The following COL18A1 variants were observed in gnomAD, a reference collection of about 807,000 sequenced individuals.
COL18A1 encodes the protein collagen alpha-1(XVIII) chain.
In COL18A1, 133 loss-of-function variants were observed where a neutral mutation model predicts 168.0. That is an observed-to-expected ratio of 0.79 (90% CI 0.69 to 0.91). The LOEUF (loss-of-function observed/expected upper bound fraction) is 0.91. COL18A1 is among the 40% of genes least tolerant of loss of function. The probability of loss-of-function intolerance (pLI) is 0.00; values close to 1 mark genes in which losing one functional copy is unlikely to be tolerated. For synonymous variants in COL18A1, 949 were observed against 809.0 expected, an observed-to-expected ratio of 1.17 and a Z score of -2.94; for missense variants, 2,126 against 1,925.4, an observed-to-expected ratio of 1.10 and a Z score of -1.95.
chr21:45,493,632 C>T (rs2036435531), intron 26 of COL18A1, 57 bp downstream of exon 26: 1 of 1,325,848 alleles, frequency 7.5e-7, no homozygotes, highest in Non-Finnish European at 1.1e-6. Flanking sequence ...GCTGTGGAGA[C>T]AGCCTGGGGA....
chr21:45,510,117 C>T lies in COL18A1; in HGVS notation c.3549C>T (p.Arg1183=), dbSNP rs370643343. 114 of 1,597,076 alleles carry T rather than the reference C, an allele frequency of 7.1e-5. No homozygotes were observed. Among genetic ancestry groups the T allele is most frequent in the Non-Finnish European group, 8.9e-5 (105 of 1,173,430 alleles). The change falls in exon 40 of 42, where the codon CGC becomes CGT. Residue 1183 remains arginine, a synonymous_variant. Transcript: ENST00000651438. ...TGTCAGGCGGCATGCGGGGCATCCG[C>T]GGGGCCGACTTCCAGTGCTTCCAGC... ...SPLSGGMRGI[R]GADFQCFQQA...
chr21:45,480,421 G>GA (rs2035852118), intron 11 of COL18A1, 46 bp from the exon 12 acceptor site: 1 of 1,613,848 alleles, frequency 6.2e-7, no homozygotes, highest in East Asian at 2.2e-5. Flanking sequence ...AGGCCAGGCG[G>GA]GGGGCCGAGC....
chr21:45,464,365 C>T lies in COL18A1; in HGVS notation c.107-3877C>T, dbSNP rs184611304. ...GACCCTCTTAGATAAGGCAGGCCCTCGGCAAGACTCCAGCCACACATGAGA... is the reference window on the plus strand; with the variant it reads ...GACCCTCTTAGATAAGGCAGGCCCTTGGCAAGACTCCAGCCACACATGAGA... On this transcript the variant is annotated intron_variant, in intron 2 of 41. Coordinates refer to ENST00000651438, the MANE Select transcript of COL18A1 (RefSeq NM_001379500.1). Among the ~76,000 whole-genome samples the T allele has an allele frequency of 5.2e-3, 785 of 152,268 alleles. 5 individuals are homozygous for T. Among genetic ancestry groups the T allele is most frequent in the Non-Finnish European group, 6.8e-3 (466 of 68,030 alleles).
chr21:45,436,062 G>A (rs1305384459), intron 2 of COL18A1, among the ~76,000 whole-genome samples: 7 of 152,190 alleles, frequency 4.6e-5, no homozygotes, highest in African/African-American at 7.2e-5. Context: ...TTCTGGGTGC[G>A]TTTATAAAGC....
chr21:45,498,539 G>C lies in COL18A1; in HGVS notation c.2683+878G>C, dbSNP rs2036627921. On this transcript the variant is annotated intron_variant, in intron 32 of 41. Coordinates refer to ENST00000651438, the MANE Select transcript of COL18A1 (RefSeq NM_001379500.1). This position sits in a 1 kb window ranked among gnomAD's most constrained non-coding sequence, Gnocchi z 4.5. ...AGAGGAGGCCGCCATACCTGCTCTT[G>C]CTGGGGCTGCACTCTGGGGTGGGAA... 1.4e-6 allele frequency: 1 copy of C among 716,740 alleles called. No individual in the cohort carries two copies. Among genetic ancestry groups the C allele is most frequent in the African/African-American group, 1.7e-5 (1 of 57,220 alleles). 44.4% of individuals were successfully genotyped at this position (716,740 alleles called of 1,614,324 possible).
At chr21:45,427,168 A>G (rs911670693) in intron 2 of COL18A1, among the ~76,000 whole-genome samples, 1 of 152,096 alleles carries the variant, frequency 6.6e-6, no homozygotes, top group African/African-American at 2.4e-5. Flanking sequence ...AATGGCAGCC[A>G]CGCTGGGGGC....
chr21:45,510,450 G>T (rs1203939285), intron 40 of COL18A1, among the ~76,000 whole-genome samples, 189 bp downstream of exon 40: 1 of 152,144 alleles, frequency 6.6e-6, no homozygotes, highest in African/African-American at 2.4e-5. Context: ...CCAGGCCTCT[G>T]CATCCCTGGG....
Position 45,463,908 on chromosome 21 carries a change from A to G in COL18A1, c.107-4334A>G, listed in dbSNP as rs535756316. 5.3e-5 allele frequency among the ~76,000 whole-genome samples: 8 copies of G among 151,862 alleles called. No individual in the cohort carries two copies. In the South Asian group the frequency reaches 1.7e-3, roughly 32 times the overall value. On this transcript the variant is annotated intron_variant, in intron 2 of 41. Transcript: ENST00000651438. This position sits in a 1 kb window ranked among gnomAD's most constrained non-coding sequence, Gnocchi z 4.0. ...GCGAAACTCCATCTAAAAAAAAAAA[A>G]GAAAAGGAAAGAAATCAAGTCTTGA...
At chr21:45,417,296 G>A (rs1156735866) in intron 2 of COL18A1, among the ~76,000 whole-genome samples, 1 of 152,162 alleles carries the variant, frequency 6.6e-6, no homozygotes, top group South Asian at 2.1e-4. Flanking sequence ...TAATGGATAC[G>A]AATGGCACCG....
rs1239427151 is a variant in COL18A1 at position 45,437,264 on chromosome 21, ACT to A, written c.107-30976_107-30975del. On this transcript the variant is annotated intron_variant, in intron 2 of 41. Coordinates refer to ENST00000651438, the MANE Select transcript of COL18A1 (RefSeq NM_001379500.1). ...CTCCTGTACACACACACACTCACAC[ACT>A]CAGACACACAGGCACTCTCCTGCAC... is the stretch of plus-strand genomic sequence containing the variant. 5.7e-4 allele frequency among the ~76,000 whole-genome samples: 59 copies of A among 102,712 alleles called. 2 individuals are homozygous for A. The highest frequency in any genetic ancestry group is 1.4e-3 in the East Asian group (4 of 2,882). The allele number at this position is 102,712 out of a possible 152,430, so 67.4% of individuals were successfully genotyped here.
intron 9 of COL18A1, among the ~76,000 whole-genome samples, chr21:45,479,441 CCA>C (rs1454780706): frequency 2.0e-5 from 3 of 152,160 alleles, no homozygotes; most frequent in East Asian, 3.9e-4. Context: ...TGCACACACA[CCA>C]CACATTACAC....
chr21:45,406,517 A>C (rs2033114649), intron 2 of COL18A1, among the ~76,000 whole-genome samples: 1 of 152,236 alleles, frequency 6.6e-6, no homozygotes, highest in Non-Finnish European at 1.5e-5. Context: ...AGTCGTAGAC[A>C]ATTCCTCATT....
Position 45,493,191 on chromosome 21 carries a change from G to A in COL18A1, c.2243G>A (p.Gly748Asp), listed in dbSNP as rs780522568. 1 of 1,562,998 alleles carries A rather than the reference G, an allele frequency of 6.4e-7. No homozygotes were observed. Among genetic ancestry groups the A allele is most frequent in the Non-Finnish European group, 8.7e-7 (1 of 1,153,524 alleles). ...CCTGCAGGACCCAAGGGCAACCTGG[G>A]CTCTAAGGGCGAACGAGGCTCCCCG... Reference protein sequence around the residue: ...PGPAGPKGNLGSKGERGSPGP... With the variant: ...PGPAGPKGNLDSKGERGSPGP... Residue 748 changes from glycine (G) to aspartate (D), a missense_variant, in exon 25 of 42, where the codon GGC (glycine) becomes GAC (aspartate). Gly to Asp is a moderately conservative substitution (Grantham distance 94, BLOSUM62 -1). Transcript: ENST00000651438.
intron 4 of COL18A1, 58 bp downstream of exon 4, chr21:45,474,039 C>T: frequency 7.3e-7 from 1 of 1,379,226 alleles, no homozygotes; most frequent in South Asian, 1.2e-5. Flanking sequence ...ACGCGGAGTT[C>T]AGGGCCAAGG....
In COL18A1 at chr21:45,423,725, G is replaced by GT. The variant is rs1469638317; in HGVS notation, c.106+18255dup. 6.6e-6 allele frequency: 1 copy of GT among 152,294 alleles called. No homozygotes were observed. Among genetic ancestry groups the GT allele is most frequent in the East Asian group, 1.9e-4 (1 of 5,194 alleles). 9.4% of individuals were successfully genotyped at this position (152,294 alleles called of 1,614,324 possible). The stretch of plus-strand genomic sequence containing the variant: ...AGGAGGCCGGCCAGAGCTCCCCAGT[G>GT]TTTGGAGGATAGCTTGGTTTTCTCC... On this transcript the variant is annotated intron_variant, in intron 2 of 41. Coordinates refer to ENST00000651438, the MANE Select transcript of COL18A1 (RefSeq NM_001379500.1). This position sits in a 1 kb window ranked among gnomAD's most constrained non-coding sequence, Gnocchi z 4.0.
Position 45,456,894 on chromosome 21 carries a change from C to T in COL18A1, c.107-11348C>T. The T allele has an allele frequency of 2.8e-6, 4 of 1,424,362 alleles. No homozygotes were observed. In the South Asian group the frequency reaches 4.6e-5, roughly 17 times the overall value. 88.2% of individuals were successfully genotyped at this position (1,424,362 alleles called of 1,614,324 possible). ...GGGCCGGCTGCAGGTAACTGGCCGG[C>T]CCCGATCTCCCCACCCTTTCCTTTT... On this transcript the variant is annotated intron_variant, in intron 2 of 41. Transcript: ENST00000651438.
chr21:45,492,601 G>A lies in COL18A1; in HGVS notation c.2187+37G>A, dbSNP rs376665140. 2.3e-4 allele frequency: 377 copies of A among 1,612,578 alleles called. 1 individual carries two copies. The African/African-American group carries it at 4.2e-3, about 18-fold the overall frequency. ...CCCAGCTTCTAAGAGACGGGCCTGCGGGGACCTGGGTACAAGGCTGGGTGG... is the reference window on the plus strand; with the variant it reads ...CCCAGCTTCTAAGAGACGGGCCTGCAGGGACCTGGGTACAAGGCTGGGTGG... On this transcript the variant is annotated intron_variant, in intron 23 of 41. Transcript: ENST00000651438.
chr21:45,502,217 T>G (rs544710538), intron 32 of COL18A1, among the ~76,000 whole-genome samples: 128 of 152,074 alleles, frequency 8.4e-4, no homozygotes, highest in Non-Finnish European at 1.5e-3. Context: ...GCCCTGGGGG[T>G]GTGGAGCCAC....
chr21:45,468,239 C>T lies in COL18A1; in HGVS notation c.107-3C>T, dbSNP rs1478728922. The T allele has an allele frequency of 6.2e-7, 1 of 1,612,894 alleles. No individual in the cohort carries two copies. Among genetic ancestry groups the T allele is most frequent in the Non-Finnish European group, 8.5e-7 (1 of 1,180,014 alleles). On this transcript the variant is annotated splice_region_variant and splice_polypyrimidine_tract_variant and intron_variant, in intron 2 of 41. Transcript: ENST00000651438. ...ACCTCACCAGCTGTCTTTCTTTTTG[C>T]AGAGCGCATCAGCGAGGAGGTGGGG...
Sources: gnomAD v4.1 joint callset for allele counts (sites outside exome capture counted in the v4.1 genomes callset) on GRCh38, gnomAD v4.1.1 for gene constraint, Gnocchi (gnomAD v3.1) non-coding constraint, MANE v1.5 for transcripts, NCBI Gene and HGNC (gene_info 2026-07-23, HGNC 2026-07-21) for gene names.